ARHGAP27: variants seen among roughly 807,000 people sequenced by gnomAD.
ARHGAP27 encodes Rho GTPase activating protein 27, also known as rho GTPase-activating protein 27.
In ARHGAP27, 53 loss-of-function variants were observed where a neutral mutation model predicts 102.0. The observed-to-expected ratio is 0.52, with a 90% confidence interval of 0.42 to 0.65. The LOEUF (loss-of-function observed/expected upper bound fraction) is 0.65. Ranked by LOEUF, ARHGAP27 falls within the 30% of genes least tolerant of loss-of-function variation. ARHGAP27 has a pLI of 0.00. For missense variants in ARHGAP27, 1,117 were observed against 1,256.2 expected, an observed-to-expected ratio of 0.89 and a Z score of 1.68; for synonymous variants, 525 against 542.8, an observed-to-expected ratio of 0.97 and a Z score of 0.46.
Position 45,427,314 on chromosome 17 carries a change from G to A in ARHGAP27, c.657+2309C>T, listed in dbSNP as rs771785609. On this transcript the variant is annotated intron_variant, in intron 4 of 19. Transcript: ENST00000685559. The surrounding 1 kb of genome is among the most constrained non-coding windows in gnomAD (Gnocchi z 4.5). Reference sequence around the variant, plus strand: ...GGCAAGGGCCCACGAGGCCCTGCCCGGGTGGGCACCCACTCTCAACCCTAT... The same window carrying A: ...GGCAAGGGCCCACGAGGCCCTGCCCAGGTGGGCACCCACTCTCAACCCTAT... Among the ~76,000 whole-genome samples, 10 of 152,206 alleles carry A rather than the reference G, an allele frequency of 6.6e-5. No homozygotes were observed. Among genetic ancestry groups the A allele is most frequent in the African/African-American group, 7.2e-5 (3 of 41,452 alleles).
Position 45,405,764 on chromosome 17 carries a change from G to A in ARHGAP27, c.977C>T (p.Thr326Met), listed in dbSNP as rs2047087000. The A allele has an allele frequency of 3.1e-6, 5 of 1,589,758 alleles. No individual in the cohort carries two copies. The highest frequency in any genetic ancestry group is 1.3e-5 in the African/African-American group (1 of 74,870). The part of the protein sequence containing the change: ...VFFYNPLTGE[T>M]AWEDEAENEP... The stretch of plus-strand genomic sequence containing the variant: ...GTTCTCGGCCTCGTCCTCCCAGGCC[G>A]TCTCGCCCGTCAGCGGGTTGTAGAA... The change falls in exon 5 of 20, where the codon ACG becomes ATG. Residue 326 changes from threonine (T) to methionine (M), a missense_variant. Coordinates refer to ENST00000685559, the MANE Select transcript of ARHGAP27 (RefSeq NM_001282290.2).
chr17:45,430,188 G>T lies in ARHGAP27; in HGVS notation c.92C>A (p.Pro31Gln), dbSNP rs1476961036. Reference protein sequence around the residue: ...GKDGRRVAIRPNERYRLLRRS... With the variant: ...GKDGRRVAIRQNERYRLLRRS... Reference sequence around the variant, plus strand: ...CCGCAGCAGCCGGTAGCGCTCATTCGGCCGGATGGCCACGCGGCGCCCGTC... The same window carrying T: ...CCGCAGCAGCCGGTAGCGCTCATTCTGCCGGATGGCCACGCGGCGCCCGTC... Residue 31 changes from proline (P) to glutamine (Q), a missense_variant, in exon 4 of 20, where the codon CCG (proline) becomes CAG (glutamine). Pro to Gln is a moderately conservative substitution (Grantham distance 76, BLOSUM62 -1). Around this residue, in one of 3 missense-constraint regions of ARHGAP27, gnomAD observed 610 missense variants for 716.4 expected, o/e 0.85. Coordinates refer to ENST00000685559, the MANE Select transcript of ARHGAP27 (RefSeq NM_001282290.2). This position sits in a 1 kb window ranked among gnomAD's most constrained non-coding sequence, Gnocchi z 4.4. 1.3e-6 allele frequency: 2 copies of T among 1,545,336 alleles called. No homozygotes were observed. The highest frequency in any genetic ancestry group is 2.7e-5 in the African/African-American group (2 of 73,398).
In ARHGAP27 at chr17:45,402,943, C is replaced by A. The variant is rs1047498686; in HGVS notation, c.1639-125G>T. 1.2e-5 allele frequency: 10 copies of A among 835,800 alleles called. No homozygotes were observed. In the African/African-American group the frequency reaches 1.8e-4, roughly 15 times the overall value. The allele number at this position is 835,800 out of a possible 1,614,324, so 51.8% of individuals were successfully genotyped here. Reference sequence around the variant, plus strand: ...GGAAACAACTCTGGGGAAAAGTGCCCCAAGTGTTCCTGAACCCAGAGACCC... The same window carrying A: ...GGAAACAACTCTGGGGAAAAGTGCCACAAGTGTTCCTGAACCCAGAGACCC... On this transcript the variant is annotated intron_variant, in intron 11 of 19. Transcript: ENST00000685559.
chr17:45,412,987 TTTTTTTTTTTTTA>T (rs2048084541), intron 4 of ARHGAP27, among the ~76,000 whole-genome samples: 2 of 97,724 alleles, frequency 2.0e-5, no homozygotes, highest in African/African-American at 8.3e-5. Context: ...TTTTTTTTTT[TTTTTTTTTTTTTA>T]ATGGAGTCTC....
chr17:45,402,872 G>A (rs2046612153), intron 11 of ARHGAP27, 54 bp from the exon 12 acceptor site: 2 of 1,450,428 alleles, frequency 1.4e-6, no homozygotes, highest in South Asian at 1.2e-5. Context: ...TGTGTCTGCT[G>A]TGGCACTCTG....
In ARHGAP27 at chr17:45,429,385, T is replaced by C. The variant is rs2049876369; in HGVS notation, c.657+238A>G. On this transcript the variant is annotated intron_variant, in intron 4 of 19. Transcript: ENST00000685559. Reference sequence around the variant, plus strand: ...AGCGCAATTTTGCCACCAATTGGATTACGAAAAGCCTCTGGGCTTCCAGGG... The same window carrying C: ...AGCGCAATTTTGCCACCAATTGGATCACGAAAAGCCTCTGGGCTTCCAGGG... The C allele has an allele frequency of 9.6e-6, 13 of 1,349,150 alleles. No individual in the cohort carries two copies. In the South Asian group the frequency reaches 2.3e-4, roughly 24 times the overall value. The allele number at this position is 1,349,150 out of a possible 1,614,324, so 83.6% of individuals were successfully genotyped here. A position where few individuals can be genotyped will look rare whatever the true frequency, so the allele number is the denominator to read the frequency against.
rs1059504 is a variant in ARHGAP27, at chr17:45,394,955, A to G, written c.*501T>C. The stretch of plus-strand genomic sequence containing the variant: ...GAGGAGGATAGCTTCAGCAGCCCAC[A>G]CTGAAGGCTGGGTCAGTCCTGTTTC... On this transcript the variant is annotated 3_prime_UTR_variant, in exon 20 of 20. Coordinates refer to ENST00000685559, the MANE Select transcript of ARHGAP27 (RefSeq NM_001282290.2). 0.51 allele frequency: 78,607 copies of G among 154,454 alleles called. 20,660 individuals are homozygous for G. Among genetic ancestry groups the G allele is most frequent in the African/African-American group, 0.65 (26,936 of 41,500 alleles). 9.6% of individuals were successfully genotyped at this position (154,454 alleles called of 1,614,324 possible).
intron 4 of ARHGAP27, chr17:45,425,707 C>T (rs2145025384): frequency 5.3e-6 from 5 of 945,426 alleles, no homozygotes; most frequent in Non-Finnish European, 6.3e-6. Flanking sequence ...GCCAATGCCC[C>T]AGCAGCAGGG....
intron 4 of ARHGAP27, among the ~76,000 whole-genome samples, chr17:45,413,378 A>C (rs2048116854): frequency 6.6e-6 from 1 of 152,046 alleles, no homozygotes; most frequent in Admixed American, 6.6e-5. Flanking sequence ...CCATTGATTC[A>C]GAGGGAAAAA....
chr17:45,415,303 G>A (rs1293875135), intron 4 of ARHGAP27, among the ~76,000 whole-genome samples: 2 of 152,032 alleles, frequency 1.3e-5, no homozygotes, highest in Non-Finnish European at 2.9e-5. Flanking sequence ...GCTTCCTCAG[G>A]CCAGGCCTCC....
At chr17:45,402,624 C>G (rs866376002) in intron 12 of ARHGAP27, 90 bp downstream of exon 12, 3 of 1,251,926 alleles carry the variant, frequency 2.4e-6, no homozygotes, top group African/African-American at 3.0e-5. Flanking sequence ...GGGTCAAAAA[C>G]CCCCAGGTCA....
rs557213333 is a variant in ARHGAP27, at chr17:45,430,873, C to T, written c.-18-576G>A. Among the ~76,000 whole-genome samples, 6 of 152,280 alleles carry T rather than the reference C, an allele frequency of 3.9e-5. No homozygotes were observed. Among genetic ancestry groups the T allele is most frequent in the Non-Finnish European group, 2.9e-5 (2 of 68,008 alleles). On this transcript the variant is annotated intron_variant, in intron 3 of 19. Coordinates refer to ENST00000685559, the MANE Select transcript of ARHGAP27 (RefSeq NM_001282290.2). The surrounding 1 kb of genome is among the most constrained non-coding windows in gnomAD (Gnocchi z 4.4). The stretch of plus-strand genomic sequence containing the variant: ...TAGGGGGCCGAGCGAACAGCTCTAC[C>T]TGGGGGCTGTCGCTGCCCCCCTTAG...
At position 45,414,797 on chromosome 17, in the gene ARHGAP27, G is replaced by A. The variant is rs1267734180; in HGVS notation, c.658-8714C>T. 2.6e-4 allele frequency among the ~76,000 whole-genome samples: 12 copies of A among 46,258 alleles called. No homozygotes were observed. The East Asian group carries it at 8.3e-3, about 32-fold the overall frequency. 30.3% of individuals were successfully genotyped at this position (46,258 alleles called of 152,430 possible). A position where few individuals can be genotyped will look rare whatever the true frequency, so the allele number is the denominator to read the frequency against. ...ATGTTGACTGGGCACAGTGGCTCAC[G>A]CCTGAAATCCCAGCACTTTGGAGGC... On this transcript the variant is annotated intron_variant, in intron 4 of 19. Coordinates refer to ENST00000685559, the MANE Select transcript of ARHGAP27 (RefSeq NM_001282290.2).
At chr17:45,413,568 C>T (rs1488542236) in intron 4 of ARHGAP27, among the ~76,000 whole-genome samples, 6 of 152,192 alleles carry the variant, frequency 3.9e-5, no homozygotes, top group African/African-American at 1.2e-4. Flanking sequence ...TTCCCACACC[C>T]ATGGGGATTG....
chr17:45,425,193 GCAGGGCCACCC>G (rs1370991988), intron 4 of ARHGAP27, among the ~76,000 whole-genome samples: 2 of 151,760 alleles, frequency 1.3e-5, no homozygotes, highest in Non-Finnish European at 2.9e-5. Flanking sequence ...AAAGAAACCA[GCAGGGCCACCC>G]CAGGGTGGCT....
chr17:45,416,434 G>A (rs2048462265), intron 4 of ARHGAP27, among the ~76,000 whole-genome samples: 1 of 151,724 alleles, frequency 6.6e-6, no homozygotes, highest in Non-Finnish European at 1.5e-5. Context: ...AATAAACACG[G>A]CAAATATTGT....
Position 45,406,037 on chromosome 17 carries a change from GGCT to G in ARHGAP27, c.701_703del (p.Gln234del), listed in dbSNP as rs996193332. The G allele has an allele frequency of 1.1e-5, 17 of 1,533,954 alleles. No individual in the cohort carries two copies. The African/African-American group carries it at 2.2e-4, about 20-fold the overall frequency. On this transcript the variant is annotated inframe_deletion, in exon 5 of 20. Coordinates refer to ENST00000685559, the MANE Select transcript of ARHGAP27 (RefSeq NM_001282290.2). ...AGCGGCGCCCGGTGAAGTGGCCCGG[GGCT>G]GCCTCTCTATGTTCGCGTACACGGG...
At chr17:45,426,562 A>G (rs1436771686) in intron 4 of ARHGAP27, among the ~76,000 whole-genome samples, 1 of 151,760 alleles carries the variant, frequency 6.6e-6, no homozygotes, top group Non-Finnish European at 1.5e-5. Flanking sequence ...GGGCATCCCC[A>G]CACACTCCCC....
intron 4 of ARHGAP27, among the ~76,000 whole-genome samples, chr17:45,426,535 G>T (rs988465901): frequency 6.6e-6 from 1 of 152,050 alleles, no homozygotes; most frequent in African/African-American, 2.4e-5. Context: ...TAAGCCCTGA[G>T]CTGCTGCCTG....
Sources: allele counts gnomAD v4.1 joint callset (sites outside exome capture counted in the v4.1 genomes callset), GRCh38; gene constraint gnomAD v4.1.1; regional missense constraint gnomAD v4.1.1; non-coding constraint Gnocchi (gnomAD v3.1); transcripts MANE v1.5; gene names NCBI Gene and HGNC (gene_info 2026-07-23, HGNC 2026-07-21).